The following HACL2 variants were observed in gnomAD, a reference collection of about 807,000 sequenced individuals.
HACL2 encodes 2-hydroxyacyl-CoA lyase 2.
chr19:15,119,482 T>C, the HACL2 span: 1 of 1,614,064 alleles, frequency 6.2e-7, no homozygotes, highest in Non-Finnish European at 8.5e-7. Context: ...AGAGGCCTCT[T>C]GGCCCGGCTC....
At chr19:15,115,547 C>T in the HACL2 span, 1 of 1,608,142 alleles carries the variant, frequency 6.2e-7, no homozygotes, top group Non-Finnish European at 8.5e-7. Context: ...TCCTCCCAAC[C>T]TCGCTGAGGC....
At chr19:15,125,651 T>C in the HACL2 span, 41,055 of 152,436 alleles carry the variant, frequency 0.27, 6,366 homozygotes, top group East Asian at 0.38. Context: ...CCCGACGCTA[T>C]TCACCTTCAC....
the HACL2 span, chr19:15,123,586 A>G: frequency 6.2e-7 from 1 of 1,613,048 alleles, no homozygotes. The surrounding 1 kb of genome is among the most constrained non-coding windows in gnomAD (Gnocchi z 5.1). Flanking sequence ...CCTGGGCCCA[A>G]GGACAGGTGG....
the HACL2 span, chr19:15,123,059 A>G: frequency 6.2e-7 from 1 of 1,608,854 alleles, no homozygotes; most frequent in Non-Finnish European, 8.5e-7. This position sits in a 1 kb window ranked among gnomAD's most constrained non-coding sequence, Gnocchi z 5.1. Context: ...TGGCAGGGTT[A>G]TCGCATGAGC....
chr19:15,115,038 G>A, the HACL2 span: 1 of 623,794 alleles, frequency 1.6e-6, no homozygotes, highest in Admixed American at 2.6e-5. Flanking sequence ...CATAAGAGAG[G>A]GGACAAACGG....
chr19:15,123,493 C>T, the HACL2 span: 1 of 1,614,066 alleles, frequency 6.2e-7, no homozygotes, highest in Admixed American at 1.7e-5. This position sits in a 1 kb window ranked among gnomAD's most constrained non-coding sequence, Gnocchi z 5.1. Flanking sequence ...GCCCACCGAC[C>T]AGCGTGAAGA....
At chr19:15,117,587 G>A in the HACL2 span, 1 of 260,572 alleles carries the variant, frequency 3.8e-6, no homozygotes, top group Admixed American at 5.0e-5. Context: ...TGAGGTGGGA[G>A]GATTGCTTTT....
the HACL2 span, chr19:15,116,151 C>A: frequency 6.2e-7 from 1 of 1,613,404 alleles, no homozygotes; most frequent in Non-Finnish European, 8.5e-7. Flanking sequence ...CCCTTCCTTA[C>A]CAGGATCGAG....
At chr19:15,115,067 G>A in the HACL2 span, 2 of 684,838 alleles carry the variant, frequency 2.9e-6, no homozygotes, top group African/African-American at 3.5e-5. Flanking sequence ...GGTCCGTGAA[G>A]AGGAGGGTCC....
chr19:15,122,604 A>G, the HACL2 span: 1 of 1,098,162 alleles, frequency 9.1e-7, no homozygotes, highest in South Asian at 1.3e-5. This position sits in a 1 kb window ranked among gnomAD's most constrained non-coding sequence, Gnocchi z 4.0. Context: ...CCCAGTCCAC[A>G]TGTGAATCAA....
the HACL2 span, chr19:15,115,689 A>T: frequency 1.2e-6 from 2 of 1,607,186 alleles, no homozygotes; most frequent in Non-Finnish European, 1.7e-6. Context: ...AAGATGATGA[A>T]GGCAGGCCGC....
chr19:15,116,501 A>G, the HACL2 span: 1 of 1,613,632 alleles, frequency 6.2e-7, no homozygotes. Flanking sequence ...CACTAACTTC[A>G]GCACGAAGGA....
At chr19:15,117,946 T>C in the HACL2 span, 813 of 1,614,154 alleles carry the variant, frequency 5.0e-4, 1 homozygote, top group African/African-American at 9.5e-3. Flanking sequence ...CCGATTACGA[T>C]TGACGATGAT....
At chr19:15,120,238 T>C in the HACL2 span, among the ~76,000 whole-genome samples, 1 of 152,132 alleles carries the variant, frequency 6.6e-6, no homozygotes, top group Non-Finnish European at 1.5e-5. Context: ...CGAACCCTAG[T>C]GGCCAGGTCT....
At chr19:15,123,706 G>T in the HACL2 span, 5 of 740,154 alleles carry the variant, frequency 6.8e-6, no homozygotes, top group South Asian at 1.8e-5. This position sits in a 1 kb window ranked among gnomAD's most constrained non-coding sequence, Gnocchi z 5.1. Flanking sequence ...GCTTGGTCTT[G>T]GTTAGGCATA....
the HACL2 span, chr19:15,125,482 G>T: frequency 5.7e-6 from 1 of 176,778 alleles, no homozygotes; most frequent in Non-Finnish European, 1.2e-5. Flanking sequence ...TCACCAAGAG[G>T]CACGAGGTCA....
chr19:15,118,594 C>A, the HACL2 span, among the ~76,000 whole-genome samples: 6 of 152,150 alleles, frequency 3.9e-5, no homozygotes, highest in Non-Finnish European at 7.4e-5. Flanking sequence ...CCCCCACCCC[C>A]CATTCCTGCA....
At chr19:15,125,035 G>A in the HACL2 span, 1 of 1,563,806 alleles carries the variant, frequency 6.4e-7, no homozygotes, top group South Asian at 1.2e-5. Flanking sequence ...CTCCCAGCGG[G>A]GGCGGCGGCC....
the HACL2 span, among the ~76,000 whole-genome samples, chr19:15,122,491 G>C: frequency 6.6e-6 from 1 of 152,080 alleles, no homozygotes; most frequent in East Asian, 1.9e-4. This position sits in a 1 kb window ranked among gnomAD's most constrained non-coding sequence, Gnocchi z 4.0. Flanking sequence ...CTGCCTCCAC[G>C]AGGGCCGCCT....
Sources: allele counts gnomAD v4.1 joint callset (sites outside exome capture counted in the v4.1 genomes callset), GRCh38; gene constraint gnomAD v4.1.1; non-coding constraint Gnocchi (gnomAD v3.1); transcripts MANE v1.5; gene names NCBI Gene and HGNC (gene_info 2026-07-23, HGNC 2026-07-21).